SGCD: variants seen among roughly 807,000 people sequenced by gnomAD.
SGCD encodes the protein sarcoglycan delta, also known as delta-sarcoglycan.
In SGCD, 18 loss-of-function variants were observed where a neutral mutation model predicts 36.6. The observed-to-expected ratio is 0.49, with a 90% CI of 0.34 to 0.73. The LOEUF (loss-of-function observed/expected upper bound fraction) is 0.73. Among genes scored for constraint, SGCD ranks in the 30% least tolerant of loss-of-function variants. The pLI is 0.01. For missense variants in SGCD, 387 were observed against 346.7 expected (o/e 1.12, Z -0.92); for synonymous variants, 133 against 130.6 (o/e 1.02, Z -0.12).
intron 1 of SGCD, among the ~76,000 whole-genome samples, chr5:155,911,568 CT>C (rs1478499032): frequency 6.6e-6 from 1 of 152,002 alleles, no homozygotes; most frequent in Non-Finnish European, 1.5e-5. Context: ...TGAACTGCTT[CT>C]CCATCAGCCA....
chr5:156,726,833 G>A (rs1755799252), intron 7 of SGCD, among the ~76,000 whole-genome samples: 2 of 152,300 alleles, frequency 1.3e-5, no homozygotes, highest in South Asian at 4.2e-4. Flanking sequence ...GGCCAGAATG[G>A]TTGGGTTCAA....
the SGCD span, among the ~76,000 whole-genome samples, chr5:155,764,525 G>A: frequency 5.3e-5 from 8 of 152,172 alleles, no homozygotes; most frequent in Admixed American, 1.3e-4. Context: ...GTCAGCAGCT[G>A]TTCAGGAGGC....
At chr5:155,868,852 T>G (rs1167657174), upstream of SGCD, among the ~76,000 whole-genome samples, 2 of 152,118 alleles carry the variant, frequency 1.3e-5, no homozygotes, top group East Asian at 3.9e-4. Flanking sequence ...GGATTCAGAG[T>G]GCAGATAGAG....
intron 3 of SGCD, among the ~76,000 whole-genome samples, chr5:156,361,994 A>G (rs956184813): frequency 6.6e-6 from 1 of 152,230 alleles, no homozygotes; most frequent in Non-Finnish European, 1.5e-5. Context: ...AGTCATGGGA[A>G]GAGCTGGGCA....
chr5:156,047,928 C>A lies in SGCD; in HGVS notation c.-281-69950C>A, dbSNP rs150587077. Among the ~76,000 whole-genome samples, 206 of 152,104 alleles carry A rather than the reference C, an allele frequency of 1.4e-3. 5 individuals are homozygous for A. In the East Asian group the frequency reaches 0.036, roughly 27 times the overall value. On this transcript the variant is annotated intron_variant, in intron 1 of 9. Coordinates refer to the SGCD transcript ENST00000517913. ...ATGTTGGTGTGCTGCACCATTAACT[C>A]GTCATTTAGCATTAGGTATATCTCC...
At chr5:155,958,742 G>A (rs965165772) in intron 1 of SGCD, among the ~76,000 whole-genome samples, 2 of 152,156 alleles carry the variant, frequency 1.3e-5, no homozygotes, top group Non-Finnish European at 2.9e-5. Flanking sequence ...TTCTTCATCT[G>A]TGAGATGGGG....
At chr5:155,947,473 T>C (rs1466430812) in intron 1 of SGCD, among the ~76,000 whole-genome samples, 2 of 152,246 alleles carry the variant, frequency 1.3e-5, no homozygotes, top group Middle Eastern at 3.4e-3. Context: ...CCTTAATAAC[T>C]TTCCTCAAAG....
Position 155,975,615 on chromosome 5 carries a change from T to C in SGCD, c.-282+105191T>C, listed in dbSNP as rs1209990147. On this transcript the variant is annotated intron_variant, in intron 1 of 9. Coordinates refer to the SGCD transcript ENST00000517913. ...ATTTATTTTTCTTTCTTTCCTTTTT[T>C]TTTTTTTTTTTTTTTTTTTTTTTTT... Among the ~76,000 whole-genome samples, 93 of 51,916 alleles carry C rather than the reference T, an allele frequency of 1.8e-3. 3 individuals carry two copies. The highest frequency in any genetic ancestry group is 8.2e-3 in the African/African-American group (92 of 11,254). The allele number at this position is 51,916 out of a possible 152,430, so 34.1% of individuals were successfully genotyped here.
intron 1 of SGCD, among the ~76,000 whole-genome samples, chr5:155,945,517 G>A (rs73810357): frequency 6.6e-6 from 1 of 151,970 alleles, no homozygotes; most frequent in African/African-American, 2.4e-5. Flanking sequence ...GTAGGTTCTG[G>A]AAGGCAAAAG....
chr5:155,851,198 G>A, the SGCD span, among the ~76,000 whole-genome samples: 141 of 152,224 alleles, frequency 9.3e-4, no homozygotes, highest in African/African-American at 3.2e-3. Flanking sequence ...TGAATATGGC[G>A]ACATGCAGTG....
chr5:155,842,495 C>G, the SGCD span, among the ~76,000 whole-genome samples: 1,365 of 152,054 alleles, frequency 9.0e-3, 20 homozygotes, highest in African/African-American at 0.031. Context: ...GTTGCTTGAA[C>G]CAGAGAGTCA....
chr5:155,840,588 T>TG, the SGCD span, among the ~76,000 whole-genome samples: 1,296 of 147,060 alleles, frequency 8.8e-3, 20 homozygotes, highest in African/African-American at 0.031. Flanking sequence ...TGCACCCGGC[T>TG]TGTGTGTGTG....
chr5:155,904,011 G>T (rs750371885), intron 1 of SGCD, among the ~76,000 whole-genome samples: 1 of 152,120 alleles, frequency 6.6e-6, no homozygotes, highest in Non-Finnish European at 1.5e-5. Context: ...GAGAGGTCCG[G>T]AGTATTCCCA....
chr5:156,468,139 A>G (rs1443015625), intron 3 of SGCD, among the ~76,000 whole-genome samples: 1 of 152,048 alleles, frequency 6.6e-6, no homozygotes, highest in Non-Finnish European at 1.5e-5. Context: ...TCTTGAGGCC[A>G]AGAGTTTGAG....
intron 1 of SGCD, among the ~76,000 whole-genome samples, chr5:156,074,510 C>T (rs994725122): frequency 6.6e-6 from 1 of 151,960 alleles, no homozygotes; most frequent in Non-Finnish European, 1.5e-5. Flanking sequence ...GGGGAAACCC[C>T]GTCTCTACTA....
At chr5:156,176,252 C>A (rs960380112) in intron 3 of SGCD, among the ~76,000 whole-genome samples, 1 of 152,020 alleles carries the variant, frequency 6.6e-6, no homozygotes, top group African/African-American at 2.4e-5. Context: ...CCCAGCCAGA[C>A]AAAACTGTCT....
intron 1 of SGCD, among the ~76,000 whole-genome samples, chr5:155,996,762 G>A (rs1758553016): frequency 6.9e-6 from 1 of 144,530 alleles, no homozygotes; most frequent in African/African-American, 2.6e-5. Context: ...CTGTGTGACA[G>A]AGTAAGACTC....
chr5:156,008,902 C>T (rs774233115), intron 1 of SGCD, among the ~76,000 whole-genome samples: 10 of 152,186 alleles, frequency 6.6e-5, no homozygotes, highest in Non-Finnish European at 1.3e-4. Flanking sequence ...ATAAAATCTT[C>T]AGCACATGTT....
intron 3 of SGCD, among the ~76,000 whole-genome samples, chr5:156,508,135 C>G (rs1327354001): frequency 6.6e-6 from 1 of 152,116 alleles, no homozygotes; most frequent in African/African-American, 2.4e-5. Context: ...AAAATATTAG[C>G]AACTAACTTG....
Sources: allele counts gnomAD v4.1 joint callset (sites outside exome capture counted in the v4.1 genomes callset), GRCh38; gene constraint gnomAD v4.1.1; transcripts MANE v1.5; gene names NCBI Gene and HGNC (gene_info 2026-07-23, HGNC 2026-07-21).